Variants in EPB41L5 observed in about 807,000 individuals in gnomAD.
The protein encoded by EPB41L5 is band 4.1-like protein 5.
EPB41L5 carries 55 observed loss-of-function variants against 106.6 expected under a neutral mutation model. The observed-to-expected ratio is 0.52, with a 90% CI of 0.42 to 0.65. EPB41L5 has a LOEUF of 0.65. EPB41L5 is among the 30% of genes least tolerant of loss of function. The pLI is 0.00. For missense variants in EPB41L5, 871 were observed against 882.1 expected (o/e 0.99, Z 0.16); for synonymous variants, 297 against 306.7 (o/e 0.97, Z 0.33).
At chr2:120,039,025 C>A (rs1040892179) in intron 2 of EPB41L5, among the ~76,000 whole-genome samples, 6 of 152,076 alleles carry the variant, frequency 3.9e-5, no homozygotes, top group Non-Finnish European at 8.8e-5. Context: ...TTTTGCAATA[C>A]GGATGAACCT....
intron 24 of EPB41L5, among the ~76,000 whole-genome samples, chr2:120,174,444 G>A (rs1042262869): frequency 1.6e-4 from 24 of 146,894 alleles, no homozygotes; most frequent in Non-Finnish European, 2.3e-4. Context: ...CAGCCTGGGC[G>A]ACAGAGCAAG....
At chr2:120,114,337 T>C (rs1287371713) in intron 16 of EPB41L5, among the ~76,000 whole-genome samples, 1 of 152,196 alleles carries the variant, frequency 6.6e-6, no homozygotes, top group Non-Finnish European at 1.5e-5. Flanking sequence ...TTTGACATAA[T>C]GTTGAAATTT....
intron 18 of EPB41L5, among the ~76,000 whole-genome samples, chr2:120,138,646 C>T (rs1410719391): frequency 6.6e-6 from 1 of 151,768 alleles, no homozygotes; most frequent in Admixed American, 6.6e-5. Context: ...AAGATTTCTG[C>T]AATGAAAACT....
chr2:120,112,505 A>G (rs1684768399), intron 16 of EPB41L5, among the ~76,000 whole-genome samples: 1 of 152,214 alleles, frequency 6.6e-6, no homozygotes. Flanking sequence ...CAGTTTTACA[A>G]ATAACTGATA....
chr2:120,052,765 C>T (rs1680372909), intron 3 of EPB41L5, among the ~76,000 whole-genome samples: 1 of 152,180 alleles, frequency 6.6e-6, no homozygotes, highest in Admixed American at 6.5e-5. Flanking sequence ...GCCAGTTCTC[C>T]AATGAGTCTT....
Position 120,138,074 on chromosome 2 carries a change from T to C in EPB41L5, c.1600-4929T>C, listed in dbSNP as rs1686006055. Among the ~76,000 whole-genome samples, 4 of 152,056 alleles carry C rather than the reference T, an allele frequency of 2.6e-5. No individual in the cohort carries two copies. In the South Asian group the frequency reaches 8.3e-4, roughly 31 times the overall value. ...GCACATGTAAATCAATCAAGGGTGA[T>C]ACATTATATCAGCAGAATGAAGGAC... On this transcript the variant is annotated intron_variant, in intron 18 of 24. Transcript: ENST00000263713.
At chr2:120,061,296 C>T (rs1681052003) in intron 3 of EPB41L5, among the ~76,000 whole-genome samples, 1 of 146,756 alleles carries the variant, frequency 6.8e-6, no homozygotes, top group East Asian at 2.0e-4. Context: ...GATCTCGGCT[C>T]ACTGCAAGCT....
At chr2:120,095,395 C>T (rs1376751227) in intron 14 of EPB41L5, among the ~76,000 whole-genome samples, 1 of 151,872 alleles carries the variant, frequency 6.6e-6, no homozygotes, top group Non-Finnish European at 1.5e-5. Context: ...TCTAGATATT[C>T]TTTATGCTGT....
chr2:120,132,803 A>G (rs1311331109), intron 18 of EPB41L5, among the ~76,000 whole-genome samples: 2 of 152,128 alleles, frequency 1.3e-5, no homozygotes, highest in Non-Finnish European at 2.9e-5. Flanking sequence ...GATGATTAAT[A>G]ACTAATGGAA....
At chr2:120,033,665 G>A (rs192137778) in intron 2 of EPB41L5, among the ~76,000 whole-genome samples, 24 of 135,210 alleles carry the variant, frequency 1.8e-4, no homozygotes, top group African/African-American at 5.7e-4. Context: ...CTGAGACCAC[G>A]CCACTGCACT....
At position 120,167,470 on chromosome 2, in the gene EPB41L5, C is replaced by T. The variant is rs763410919; in HGVS notation, c.1967C>T (p.Ser656Phe). Residue 656 changes from serine (S) to phenylalanine (F), a missense_variant, in exon 23 of 25, where the codon TCT (serine) becomes TTT (phenylalanine). By Grantham distance (155) the Ser-to-Phe change is radical. Coordinates refer to ENST00000263713, the MANE Select transcript of EPB41L5 (RefSeq NM_020909.4). The stretch of plus-strand genomic sequence containing the variant: ...ATACATATAAAATTATTTCAGGTGT[C>T]TTCCACATCCATGATCACACCCCGG... The part of the protein sequence containing the change: ...LIDHTVAPQV[S>F]STSMITPRWI... 6 of 1,613,234 alleles carry T rather than the reference C, an allele frequency of 3.7e-6. No individual in the cohort carries two copies. In the Admixed American group the frequency reaches 8.3e-5, roughly 22 times the overall value.
intron 14 of EPB41L5, among the ~76,000 whole-genome samples, chr2:120,094,757 G>GT (rs927246563): frequency 6.6e-6 from 1 of 151,984 alleles, no homozygotes; most frequent in African/African-American, 2.4e-5. Flanking sequence ...TTGTGTTCTT[G>GT]TTTTTTGGTT....
At chr2:120,154,880 C>T (rs986135291) in intron 20 of EPB41L5, among the ~76,000 whole-genome samples, 27 of 151,872 alleles carry the variant, frequency 1.8e-4, no homozygotes, top group African/African-American at 5.8e-4. Flanking sequence ...GAGCCGAGAT[C>T]GTGCCACTGC....
chr2:120,108,434 T>G (rs558786463), intron 16 of EPB41L5: 3 of 152,330 alleles, frequency 2.0e-5, no homozygotes, highest in Admixed American at 2.0e-4. Context: ...GATTAAGATT[T>G]GTAAGAAATT....
chr2:120,166,720 G>A (rs1015289719), intron 22 of EPB41L5, among the ~76,000 whole-genome samples: 4 of 152,218 alleles, frequency 2.6e-5, no homozygotes, highest in African/African-American at 9.7e-5. Flanking sequence ...ACAGGCGTGC[G>A]CCACTGCGCC....
chr2:120,090,509 A>G lies in EPB41L5; in HGVS notation c.1036A>G (p.Arg346Gly). The change falls in exon 12 of 25, where the codon AGA becomes GGA. Residue 346 changes from arginine to glycine, a missense_variant. Transcript: ENST00000263713. ...SGFIRLGSRF[R>G]YSGKTEYQTT... Reference sequence around the variant, plus strand: ...ATTTATTCGACTAGGATCACGATTTAGATATAGGTTAATTTTAATTGCTGT... The same window carrying G: ...ATTTATTCGACTAGGATCACGATTTGGATATAGGTTAATTTTAATTGCTGT... 6.2e-7 allele frequency: 1 copy of G among 1,609,188 alleles called. No homozygotes were observed. The highest frequency in any genetic ancestry group is 8.5e-7 in the Non-Finnish European group (1 of 1,178,468).
At chr2:120,067,143 G>A (rs765454244) in intron 3 of EPB41L5, among the ~76,000 whole-genome samples, 1 of 152,238 alleles carries the variant, frequency 6.6e-6, no homozygotes, top group Non-Finnish European at 1.5e-5. Flanking sequence ...AGATGGCACA[G>A]TAGCCCGCGC....
At chr2:120,173,033 G>T (rs1455885310) in intron 24 of EPB41L5, among the ~76,000 whole-genome samples, 1 of 152,094 alleles carries the variant, frequency 6.6e-6, no homozygotes, top group Non-Finnish European at 1.5e-5. Flanking sequence ...TTCAAGACCA[G>T]CTTGGGCAAC....
chr2:120,075,695 T>C lies in EPB41L5; in HGVS notation c.453-6T>C. 1 of 1,612,710 alleles carries C rather than the reference T, an allele frequency of 6.2e-7. No individual in the cohort carries two copies. The highest frequency in any genetic ancestry group is 8.5e-7 in the Non-Finnish European group (1 of 1,178,938). ...CTTGTCTAACAAACTTGTGTTTTGG[T>C]CTCAGATTAGACTGTCCCTTTGATA... On this transcript the variant is annotated splice_region_variant and splice_polypyrimidine_tract_variant and intron_variant, in intron 6 of 24. Transcript: ENST00000263713.
Sources: allele counts gnomAD v4.1 joint callset (sites outside exome capture counted in the v4.1 genomes callset), GRCh38; gene constraint gnomAD v4.1.1; transcripts MANE v1.5; gene names NCBI Gene and HGNC (gene_info 2026-07-23, HGNC 2026-07-21).